The following SDCCAG8 variants were observed in gnomAD, a reference collection of about 807,000 sequenced individuals.
The protein encoded by SDCCAG8 is SHH signaling and ciliogenesis regulator SDCCAG8.
In SDCCAG8, 74 loss-of-function variants were observed where a neutral mutation model predicts 101.8. The ratio of observed to expected loss-of-function variants is 0.73; its 90% CI spans 0.60 to 0.88. SDCCAG8 has a LOEUF of 0.88. SDCCAG8 is among the 40% of genes least tolerant of loss of function. The pLI, the probability that SDCCAG8 is intolerant of heterozygous loss-of-function variation, is 0.00. For synonymous variants in SDCCAG8, 281 were observed against 292.9 expected, an observed-to-expected ratio of 0.96 and a Z score of 0.41; for missense variants, 787 against 822.6, an observed-to-expected ratio of 0.96 and a Z score of 0.53.
At chr1:243,378,309 G>A (rs760434966) in intron 12 of SDCCAG8, among the ~76,000 whole-genome samples, 5 of 151,652 alleles carry the variant, frequency 3.3e-5, no homozygotes, top group Non-Finnish European at 7.4e-5. Context: ...CCCAAATGAA[G>A]CCATAAATTT....
intron 16 of SDCCAG8, among the ~76,000 whole-genome samples, chr1:243,478,769 CAACGTGGTTA>C (rs1325986287): frequency 6.6e-6 from 1 of 151,942 alleles, no homozygotes; most frequent in Non-Finnish European, 1.5e-5. Flanking sequence ...CCATCCTGGC[CAACGTGGTTA>C]AACCCCAACT....
At chr1:243,359,919 TTA>T (rs1248172896) in intron 12 of SDCCAG8, among the ~76,000 whole-genome samples, 8 of 152,178 alleles carry the variant, frequency 5.3e-5, no homozygotes, top group Non-Finnish European at 1.0e-4. Flanking sequence ...ATTTTAGCAG[TTA>T]TATGTGTTGA....
At chr1:243,267,782 A>C (rs1208191661) in intron 1 of SDCCAG8, 1 of 812,524 alleles carries the variant, frequency 1.2e-6, no homozygotes, top group Non-Finnish European at 2.2e-6. Flanking sequence ...CTTCTGCCCC[A>C]ATTTCTCAAT....
chr1:243,353,414 C>G (rs1405438845), intron 12 of SDCCAG8, among the ~76,000 whole-genome samples: 2 of 136,990 alleles, frequency 1.5e-5, no homozygotes, highest in African/African-American at 5.4e-5. Flanking sequence ...TTGCTTGAAC[C>G]CAGGAAGCGG....
chr1:243,286,667 G>GTGT (rs1419191101), intron 5 of SDCCAG8, among the ~76,000 whole-genome samples: 7 of 152,198 alleles, frequency 4.6e-5, no homozygotes, highest in Non-Finnish European at 1.0e-4. Context: ...AGCAGGAAGT[G>GTGT]TGTTATACAG....
chr1:243,335,909 C>T (rs141999244), intron 10 of SDCCAG8, among the ~76,000 whole-genome samples: 2 of 152,252 alleles, frequency 1.3e-5, no homozygotes, highest in Non-Finnish European at 2.9e-5. Flanking sequence ...TCTGTTCCTG[C>T]GTTAATTCAC....
At chr1:243,288,242 C>T (rs1042120799) in intron 5 of SDCCAG8, among the ~76,000 whole-genome samples, 8 of 152,004 alleles carry the variant, frequency 5.3e-5, no homozygotes, top group East Asian at 1.9e-4. Flanking sequence ...ATCACACGAA[C>T]GGATGGATCA....
intron 11 of SDCCAG8, among the ~76,000 whole-genome samples, chr1:243,343,776 A>G (rs910437727): frequency 2.0e-5 from 3 of 152,210 alleles, no homozygotes; most frequent in Non-Finnish European, 4.4e-5. Flanking sequence ...ATTTCCTTTT[A>G]AAGAGCATAA....
rs575646229 is a variant in SDCCAG8, at chr1:243,476,486, C to T, written c.1986-12528C>T. 7 of 481,352 alleles carry T rather than the reference C, an allele frequency of 1.5e-5. No individual in the cohort carries two copies. The East Asian group carries it at 4.6e-4, about 31-fold the overall frequency. The allele number at this position is 481,352 out of a possible 1,614,324, so 29.8% of individuals were successfully genotyped here. On this transcript the variant is annotated intron_variant, in intron 16 of 17. Transcript: ENST00000366541. ...CAAATATGAAGGAAATTGAGGAAGA[C>T]CTCACCACAGTGTGGAACGTGACAT...
At chr1:243,355,686 G>C (rs959340483) in intron 12 of SDCCAG8, among the ~76,000 whole-genome samples, 5 of 152,114 alleles carry the variant, frequency 3.3e-5, no homozygotes, top group Non-Finnish European at 7.4e-5. Context: ...GCTTATTGCA[G>C]CCTTGACCTC....
chr1:243,302,829 T>A (rs890712033), intron 6 of SDCCAG8, among the ~76,000 whole-genome samples: 2 of 152,194 alleles, frequency 1.3e-5, no homozygotes, highest in African/African-American at 4.8e-5. Context: ...GAAAGCATTT[T>A]CAACACAATG....
At chr1:243,425,396 C>A (rs139769505) in intron 15 of SDCCAG8, among the ~76,000 whole-genome samples, 412 of 152,190 alleles carry the variant, frequency 2.7e-3, no homozygotes, top group East Asian at 9.6e-3. Context: ...GCTCCATACA[C>A]GTGAGCAGCC....
At chr1:243,441,747 C>G (rs2082550476) in intron 16 of SDCCAG8, among the ~76,000 whole-genome samples, 1 of 152,074 alleles carries the variant, frequency 6.6e-6, no homozygotes, top group Non-Finnish European at 1.5e-5. Flanking sequence ...TTGTTTTATA[C>G]AAGTCAGATC....
intron 5 of SDCCAG8, among the ~76,000 whole-genome samples, chr1:243,290,154 C>T (rs183081535): frequency 5.3e-5 from 8 of 152,020 alleles, no homozygotes; most frequent in Admixed American, 1.3e-4. Flanking sequence ...GAAAATTTCT[C>T]GGCCAATATT....
intron 13 of SDCCAG8, among the ~76,000 whole-genome samples, chr1:243,381,044 A>G (rs1244163573): frequency 6.6e-6 from 1 of 152,024 alleles, no homozygotes; most frequent in Non-Finnish European, 1.5e-5. Context: ...TTTTCAGTGT[A>G]GATCAGCTGA....
At chr1:243,274,452 A>T in intron 3 of SDCCAG8, 91 bp from the exon 4 acceptor site, 1 of 738,656 alleles carries the variant, frequency 1.4e-6, no homozygotes, top group South Asian at 1.5e-5. Context: ...GGAGAAGGTA[A>T]CAACTGATTC....
chr1:243,296,463 T>C (rs2070885722), intron 6 of SDCCAG8, among the ~76,000 whole-genome samples: 1 of 151,974 alleles, frequency 6.6e-6, no homozygotes, highest in South Asian at 2.1e-4. Context: ...ATGTCTCCAC[T>C]TCTTTACCTC....
intron 16 of SDCCAG8, among the ~76,000 whole-genome samples, chr1:243,472,527 G>C (rs1661471198): frequency 1.3e-5 from 2 of 152,198 alleles, no homozygotes; most frequent in South Asian, 4.1e-4. Context: ...CAGCATCCAG[G>C]TTAAAAATGA....
At position 243,360,404 on chromosome 1, in the gene SDCCAG8, G is replaced by A. The variant is rs149755319; in HGVS notation, c.1473+16073G>A. Among the ~76,000 whole-genome samples, 1,089 of 151,776 alleles carry A rather than the reference G, an allele frequency of 7.2e-3. 6 individuals carry two copies. Among genetic ancestry groups the A allele is most frequent in the Middle Eastern group, 0.02 (6 of 294 alleles). ...CTTGAGCTTGTGATCTGCCCACTTC[G>A]GCCTCCCAAAATGCTGGGATTACAG... On this transcript the variant is annotated intron_variant, in intron 12 of 17. Coordinates refer to ENST00000366541, the MANE Select transcript of SDCCAG8 (RefSeq NM_006642.5).
Sources: gnomAD v4.1 joint callset for allele counts (sites outside exome capture counted in the v4.1 genomes callset) on GRCh38, gnomAD v4.1.1 for gene constraint, MANE v1.5 for transcripts, NCBI Gene and HGNC (gene_info 2026-07-23, HGNC 2026-07-21) for gene names.